The following DOP1B variants were observed in gnomAD, a reference collection of about 807,000 sequenced individuals.
DOP1B encodes the protein DOP1 leucine zipper like protein B.
A neutral mutation model predicts 233.5 loss-of-function variants in DOP1B; 174 were observed. The ratio of observed to expected loss-of-function variants is 0.75; its 90% CI spans 0.66 to 0.85. DOP1B has a LOEUF of 0.85. Among genes scored for constraint, DOP1B ranks in the 40% least tolerant of loss-of-function variants. The pLI, the probability that DOP1B is intolerant of heterozygous loss-of-function variation, is 0.00. For missense variants in DOP1B, 2,652 were observed against 2,846.6 expected (o/e 0.93, Z 1.56); for synonymous variants, 1,190 against 1,185.6 (o/e 1.00, Z -0.08).
At position 36,278,259 on chromosome 21, in the gene DOP1B, T is replaced by C; in HGVS notation, c.5873T>C (p.Leu1958Pro). The C allele has an allele frequency of 1.9e-6, 3 of 1,614,148 alleles. No individual in the cohort carries two copies. The highest frequency in any genetic ancestry group is 2.5e-6 in the Non-Finnish European group (3 of 1,180,026). ...GCTGGCGCTCAGCTGCTGAGCTCCC[T>C]GAGTGGCTATGCCTACACAAAGCGA... ...FRAGAQLLSS[L>P]SGYAYTKRAW... The change falls in exon 30 of 37, where the codon CTG (leucine) becomes CCG (proline). Residue 1958 changes from leucine (L) to proline (P), a missense_variant. Transcript: ENST00000691173.
rs757173629 is a variant in DOP1B, at chr21:36,278,034, G to A, written c.5772G>A (p.Pro1924=). 30 of 1,614,052 alleles carry A rather than the reference G, an allele frequency of 1.9e-5. 1 individual carries two copies. The East Asian group carries it at 2.4e-4, about 13-fold the overall frequency. ...YRSDEKEKAV[P]LISRLLYYVF... is the part of the protein sequence containing the mutation. Reference sequence around the variant, plus strand: ...GTGATGAGAAGGAGAAAGCTGTGCCGTTAATCTCCCGTCTGCTTTACTATG... The same window carrying A: ...GTGATGAGAAGGAGAAAGCTGTGCCATTAATCTCCCGTCTGCTTTACTATG... Residue 1924 remains proline, a synonymous_variant, in exon 29 of 37, where the codon CCG becomes CCA. Coordinates refer to ENST00000691173, the MANE Select transcript of DOP1B (RefSeq NM_001320714.2).
intron 9 of DOP1B, among the ~76,000 whole-genome samples, chr21:36,217,957 G>A (rs1236953185): frequency 2.0e-5 from 3 of 152,220 alleles, no homozygotes; most frequent in Admixed American, 6.5e-5. Context: ...GCTCCAGGTC[G>A]TATTTTCTGG....
At chr21:36,202,507 A>T (rs1408946841) in intron 4 of DOP1B, among the ~76,000 whole-genome samples, 1 of 152,186 alleles carries the variant, frequency 6.6e-6, no homozygotes, top group Non-Finnish European at 1.5e-5. Context: ...TAACCCAGGA[A>T]TCAATCCAAG....
intron 22 of DOP1B, among the ~76,000 whole-genome samples, chr21:36,252,723 G>T (rs2067045114): frequency 6.6e-6 from 1 of 152,054 alleles, no homozygotes. Flanking sequence ...TGTTGGCCAG[G>T]CTGGTCTCAA....
intron 2 of DOP1B, among the ~76,000 whole-genome samples, chr21:36,168,217 T>C (rs1031046013): frequency 3.9e-5 from 6 of 152,104 alleles, no homozygotes; most frequent in African/African-American, 1.4e-4. Flanking sequence ...GTGCTGGGAT[T>C]ATAGACATGA....
At chr21:36,210,410 C>T (rs1009685176) in intron 5 of DOP1B, among the ~76,000 whole-genome samples, 17 of 152,094 alleles carry the variant, frequency 1.1e-4, no homozygotes, top group Admixed American at 7.9e-4. Context: ...TTTGGGAGGC[C>T]GAGGCGGGTG....
intron 27 of DOP1B, among the ~76,000 whole-genome samples, chr21:36,274,915 G>A (rs2067333034): frequency 6.6e-6 from 1 of 152,046 alleles, no homozygotes; most frequent in African/African-American, 2.4e-5. Context: ...CGTGATCTTG[G>A]CTCACTGCAA....
At position 36,227,363 on chromosome 21, in the gene DOP1B, C is replaced by G. The variant is rs139140368; in HGVS notation, c.1474-323C>G. Among the ~76,000 whole-genome samples the G allele has an allele frequency of 1.0e-3, 156 of 151,532 alleles. 8 individuals are homozygous for G. The South Asian group carries it at 0.031, about 30-fold the overall frequency. ...GAGATCGAGACCATCCTGGCTAACA[C>G]GGTGAAACCCCATCTCTACTAAACA... On this transcript the variant is annotated intron_variant, in intron 12 of 36. Transcript: ENST00000691173.
chr21:36,271,512 T>A (rs1473585361), intron 27 of DOP1B, among the ~76,000 whole-genome samples: 1 of 152,032 alleles, frequency 6.6e-6, no homozygotes, highest in Non-Finnish European at 1.5e-5. Context: ...CCTCAGGTGA[T>A]CCACCCACCT....
chr21:36,232,748 GACCC>G, intron 14 of DOP1B, 52 bp from the exon 15 acceptor site: 1 of 1,603,370 alleles, frequency 6.2e-7, no homozygotes, highest in Non-Finnish European at 8.5e-7. Flanking sequence ...GCAGACTGGG[GACCC>G]ATTCTCACGT....
In DOP1B at chr21:36,253,778, C is replaced by T. The variant is rs2067059840; in HGVS notation, c.5128C>T (p.Pro1710Ser). Residue 1710 changes from proline to serine, a missense_variant, in exon 23 of 37, where the codon CCA (proline) becomes TCA (serine). Physicochemically the swap from Pro to Ser is moderately conservative, Grantham distance 74. This residue lies in a region of DOP1B where 2,617 missense variants were observed against 2,794.3 expected (regional missense o/e 0.94). Transcript: ENST00000691173. The part of the protein sequence containing the change: ...AQRHSKMKII[P>S]TASASQLTLV... ...CTTTTTTTTTTCTTGGCAGATTATCCCAACGGCAAGTGCATCCCAGCTAAC... is the reference window on the plus strand; with the variant it reads ...CTTTTTTTTTTCTTGGCAGATTATCTCAACGGCAAGTGCATCCCAGCTAAC... The T allele has an allele frequency of 1.2e-6, 2 of 1,610,264 alleles. No homozygotes were observed. The highest frequency in any genetic ancestry group is 2.2e-5 in the South Asian group (2 of 90,416).
intron 12 of DOP1B, among the ~76,000 whole-genome samples, chr21:36,226,040 G>A (rs932299748): frequency 6.6e-6 from 1 of 152,130 alleles, no homozygotes; most frequent in Non-Finnish European, 1.5e-5. Context: ...ATGTAGAAAC[G>A]TGCCAATTTT....
chr21:36,197,527 T>G (rs2066305053), intron 2 of DOP1B, among the ~76,000 whole-genome samples: 1 of 152,156 alleles, frequency 6.6e-6, no homozygotes, highest in Non-Finnish European at 1.5e-5. Context: ...TGCAGGGTGC[T>G]GGAGACAGCA....
chr21:36,169,670 A>T lies in DOP1B; in HGVS notation c.138+4799A>T, dbSNP rs1185219700. 1.9e-5 allele frequency: 17 copies of T among 893,616 alleles called. No homozygotes were observed. In the South Asian group the frequency reaches 2.1e-4, roughly 11 times the overall value. The allele number at this position is 893,616 out of a possible 1,614,324, so 55.4% of individuals were successfully genotyped here. ...CTGGGCCTTCTTCTGGCGCAGAGGA[A>T]GTAGGCGCGTCTGGGTGTGGGCAGC... On this transcript the variant is annotated intron_variant, in intron 2 of 36. Transcript: ENST00000691173.
In DOP1B at chr21:36,169,556, T is replaced by C; in HGVS notation, c.138+4685T>C. On this transcript the variant is annotated intron_variant, in intron 2 of 36. Coordinates refer to ENST00000691173, the MANE Select transcript of DOP1B (RefSeq NM_001320714.2). ...GATCATCTCGTCCAGCCCAAACGCT[T>C]GGTTCACAGGTACCTGCTGCTGTAG... 1.1e-5 allele frequency: 12 copies of C among 1,115,264 alleles called. No individual in the cohort carries two copies. In the South Asian group the frequency reaches 1.6e-4, roughly 14 times the overall value. 69.1% of individuals were successfully genotyped at this position (1,115,264 alleles called of 1,614,324 possible). A position where few individuals can be genotyped will look rare whatever the true frequency, so the allele number is the denominator to read the frequency against.
intron 10 of DOP1B, among the ~76,000 whole-genome samples, chr21:36,222,668 A>T (rs183162157): frequency 6.6e-6 from 1 of 152,146 alleles, no homozygotes; most frequent in East Asian, 1.9e-4. Flanking sequence ...CCACCAGTAG[A>T]GTATGGACTA....
Position 36,204,570 on chromosome 21 carries a change from A to G in DOP1B, c.491+4069A>G, listed in dbSNP as rs558363179. 6.6e-5 allele frequency among the ~76,000 whole-genome samples: 10 copies of G among 152,060 alleles called. No homozygotes were observed. In the South Asian group the frequency reaches 1.5e-3, roughly 22 times the overall value. On this transcript the variant is annotated intron_variant, in intron 4 of 36. Coordinates refer to ENST00000691173, the MANE Select transcript of DOP1B (RefSeq NM_001320714.2). ...AGGATTATAGCTCACTGCAGTCTCA[A>G]CCTCCAAGGATAAAACGATCCTCCG...
At chr21:36,260,281 AAGAAAGAAAGAAAG>A (rs2067155497) in intron 23 of DOP1B, among the ~76,000 whole-genome samples, 1 of 151,300 alleles carries the variant, frequency 6.6e-6, no homozygotes, top group African/African-American at 2.4e-5. Flanking sequence ...GAAAGAAAGA[AAGAAAGAAAGAAAG>A]AAGAATTAGA....
At chr21:36,265,409 C>G (rs1569060672) in intron 26 of DOP1B, among the ~76,000 whole-genome samples, 1 of 151,948 alleles carries the variant, frequency 6.6e-6, no homozygotes, top group African/African-American at 2.4e-5. Context: ...AAACAAAAAA[C>G]AAAAAAACAA....
Sources: gnomAD v4.1 joint callset for allele counts (sites outside exome capture counted in the v4.1 genomes callset) on GRCh38, gnomAD v4.1.1 for gene constraint, gnomAD v4.1.1 regional missense constraint, MANE v1.5 for transcripts, NCBI Gene and HGNC (gene_info 2026-07-23, HGNC 2026-07-21) for gene names.